The following NAALADL2 variants were observed in gnomAD, a reference collection of about 807,000 sequenced individuals.
The protein encoded by NAALADL2 is inactive N-acetylated-alpha-linked acidic dipeptidase-like protein 2.
NAALADL2 carries 76 observed loss-of-function variants against 87.2 expected under a neutral mutation model. The observed-to-expected ratio is 0.87, with a 90% CI of 0.72 to 1.05. The LOEUF (loss-of-function observed/expected upper bound fraction) is 1.05. Among genes scored for constraint, NAALADL2 ranks in the 50% least tolerant of loss-of-function variants. The pLI, the probability that NAALADL2 is intolerant of heterozygous loss-of-function variation, is 0.00. For missense variants in NAALADL2, 1,089 were observed against 945.8 expected (o/e 1.15, Z -1.99); for synonymous variants, 354 against 331.0 (o/e 1.07, Z -0.75).
chr3:174,840,438 A>G (rs1723891900), intron 3 of NAALADL2, among the ~76,000 whole-genome samples: 3 of 152,166 alleles, frequency 2.0e-5, no homozygotes, highest in Admixed American at 6.5e-5. Flanking sequence ...TGTTAAGGAA[A>G]TAAAAATTAG....
chr3:175,448,955 G>A (rs945620735), intron 6 of NAALADL2, among the ~76,000 whole-genome samples: 14 of 152,028 alleles, frequency 9.2e-5, no homozygotes, highest in African/African-American at 2.2e-4. Context: ...AGATCAAGTG[G>A]TCCTCCTGCC....
intron 1 of NAALADL2, among the ~76,000 whole-genome samples, chr3:174,933,336 T>C (rs977600831): frequency 2.0e-5 from 3 of 152,318 alleles, no homozygotes; most frequent in Middle Eastern, 3.4e-3. Context: ...GAGATGTTTT[T>C]CTTCTACTTC....
chr3:175,199,848 A>T (rs865997965), intron 2 of NAALADL2, among the ~76,000 whole-genome samples: 1 of 16,936 alleles, frequency 5.9e-5, no homozygotes, highest in African/African-American at 3.1e-4. Context: ...ATATATATAT[A>T]TATATATATA....
At chr3:174,659,361 C>G (rs192920103) in intron 2 of NAALADL2, among the ~76,000 whole-genome samples, 61 of 152,162 alleles carry the variant, frequency 4.0e-4, no homozygotes, top group Non-Finnish European at 5.9e-5. Context: ...AGAAATGTCT[C>G]AATGTTATTT....
chr3:175,804,218 G>T lies in NAALADL2; in HGVS notation c.*1015G>T, dbSNP rs1754505057. On this transcript the variant is annotated 3_prime_UTR_variant, in exon 14 of 14. Transcript: ENST00000454872. ...CTGACAAAAAGAACTTACTATGAAA[G>T]AAATAGTTGTTTTATCAATAAAAGC... The T allele has an allele frequency of 6.6e-6, 1 of 151,834 alleles. No homozygotes were observed. The highest frequency in any genetic ancestry group is 1.9e-4 in the East Asian group (1 of 5,184). The allele number at this position is 151,834 out of a possible 1,614,324, so 9.4% of individuals were successfully genotyped here. A position where few individuals can be genotyped will look rare whatever the true frequency, so the allele number is the denominator to read the frequency against.
intron 2 of NAALADL2, among the ~76,000 whole-genome samples, chr3:175,221,537 G>T (rs917618885): frequency 2.0e-5 from 3 of 151,984 alleles, no homozygotes; most frequent in Admixed American, 2.0e-4. Context: ...ATGTACAGAG[G>T]AGTTTGGTAA....
chr3:175,287,300 A>C (rs771702629), intron 4 of NAALADL2, among the ~76,000 whole-genome samples: 3 of 152,194 alleles, frequency 2.0e-5, no homozygotes, highest in Non-Finnish European at 4.4e-5. Context: ...ATGAATAAAC[A>C]TTTCACATAT....
In NAALADL2 at chr3:174,830,806, T is replaced by C. The variant is rs558440683; in HGVS notation, c.-9+93060T>C. On this transcript the variant is annotated intron_variant, in intron 3 of 3. Coordinates refer to the NAALADL2 transcript ENST00000434257. ...CTTGAGCAGTAGTTTGTAGTTCTCC[T>C]TGAAGAGGTCCTTCACATCCCTTGT... is the stretch of plus-strand genomic sequence containing the variant. Among the ~76,000 whole-genome samples the C allele has an allele frequency of 3.7e-4, 57 of 152,302 alleles. No homozygotes were observed. The East Asian group carries it at 0.01, about 27-fold the overall frequency.
At chr3:174,720,591 A>G (rs1388341188) in intron 2 of NAALADL2, among the ~76,000 whole-genome samples, 4 of 152,206 alleles carry the variant, frequency 2.6e-5, no homozygotes, top group East Asian at 1.9e-4. Flanking sequence ...AATGAAAGCT[A>G]TGGAACTAAG....
intron 2 of NAALADL2, among the ~76,000 whole-genome samples, chr3:175,184,909 T>G (rs1737102158): frequency 6.6e-6 from 1 of 152,066 alleles, no homozygotes; most frequent in Non-Finnish European, 1.5e-5. Flanking sequence ...ATCAAATAAT[T>G]GCCCCACCAC....
At chr3:175,790,282 A>G (rs545529614) in intron 13 of NAALADL2, among the ~76,000 whole-genome samples, 7 of 152,138 alleles carry the variant, frequency 4.6e-5, no homozygotes, top group Non-Finnish European at 7.4e-5. Context: ...TTGGGGCCCC[A>G]GATCCATTGT....
intron 4 of NAALADL2, among the ~76,000 whole-genome samples, chr3:175,258,227 G>C (rs1750359062): frequency 6.7e-6 from 1 of 149,050 alleles, no homozygotes. Flanking sequence ...AGAATCGCTT[G>C]AACCCGGGAG....
At chr3:175,222,147 T>C (rs1202404284) in intron 2 of NAALADL2, among the ~76,000 whole-genome samples, 1 of 152,114 alleles carries the variant, frequency 6.6e-6, no homozygotes, top group Non-Finnish European at 1.5e-5. Context: ...ACAGTGTAGG[T>C]AAGAGTTGAC....
chr3:174,461,756 A>G (rs1467725012), intron 1 of NAALADL2, among the ~76,000 whole-genome samples: 1 of 152,084 alleles, frequency 6.6e-6, no homozygotes, highest in Non-Finnish European at 1.5e-5. Context: ...TGGAATTTCT[A>G]TACTATAGTG....
chr3:175,127,227 A>G (rs1325827734), intron 2 of NAALADL2, among the ~76,000 whole-genome samples: 2 of 152,136 alleles, frequency 1.3e-5, no homozygotes, highest in Non-Finnish European at 2.9e-5. Flanking sequence ...TCACTTCATT[A>G]TCTCCCGCTA....
chr3:175,679,403 T>G (rs1735287683), intron 11 of NAALADL2, among the ~76,000 whole-genome samples: 1 of 152,180 alleles, frequency 6.6e-6, no homozygotes, highest in Non-Finnish European at 1.5e-5. Flanking sequence ...ATTTGATATA[T>G]AGGCTAATGG....
At chr3:175,779,457 T>C (rs929601448) in intron 13 of NAALADL2, among the ~76,000 whole-genome samples, 3 of 152,156 alleles carry the variant, frequency 2.0e-5, no homozygotes, top group Non-Finnish European at 4.4e-5. Context: ...TCATTTTTTT[T>C]TCAAAATGTT....
chr3:175,540,248 T>C (rs965387367), intron 9 of NAALADL2, among the ~76,000 whole-genome samples: 2 of 152,162 alleles, frequency 1.3e-5, no homozygotes, highest in African/African-American at 4.8e-5. Context: ...AAGATCTTTC[T>C]AGGGAAGTGA....
chr3:174,757,792 T>C (rs1203662676), intron 3 of NAALADL2, among the ~76,000 whole-genome samples: 1 of 152,162 alleles, frequency 6.6e-6, no homozygotes, highest in Non-Finnish European at 1.5e-5. Context: ...CGTGAGCCAC[T>C]GTGCCCAGCC....
Sources: gnomAD v4.1 joint callset for allele counts (sites outside exome capture counted in the v4.1 genomes callset) on GRCh38, gnomAD v4.1.1 for gene constraint, MANE v1.5 for transcripts, NCBI Gene and HGNC (gene_info 2026-07-23, HGNC 2026-07-21) for gene names.